Variants in MECOM observed in about 807,000 individuals in gnomAD.
MECOM encodes MDS1 and EVI1 complex locus, also known as histone-lysine N-methyltransferase MECOM.
Under a neutral mutation model 116.3 loss-of-function variants are expected in MECOM, and 13 were observed. The observed-to-expected ratio is 0.11, with a 90% CI of 0.07 to 0.18. The LOEUF (loss-of-function observed/expected upper bound fraction) is 0.18, where lower values mean the gene tolerates loss of function less well. Ranked by LOEUF, MECOM falls within the 10% of genes least tolerant of loss-of-function variation. MECOM has a pLI of 1.00. For synonymous variants in MECOM, 528 were observed against 535.2 expected (o/e 0.99, Z 0.19); for missense variants, 1,299 against 1,509.0 (o/e 0.86, Z 2.31).
At chr3:169,483,742 T>A in intron 1 of MECOM, 2 of 1,595,032 alleles carry the variant, frequency 1.3e-6, no homozygotes, top group African/African-American at 1.3e-5. Flanking sequence ...CTCTCTTTGC[T>A]GTTAGCAACT....
At chr3:169,121,871 G>A (rs1040393016) in intron 6 of MECOM, among the ~76,000 whole-genome samples, 1 of 150,928 alleles carries the variant, frequency 6.6e-6, no homozygotes, top group African/African-American at 2.4e-5. Context: ...GTAACCTGGT[G>A]GGGTACAGAA....
At chr3:169,575,313 T>G (rs16854108) in intron 1 of MECOM, among the ~76,000 whole-genome samples, 7,687 of 152,198 alleles carry the variant, frequency 0.051, 437 homozygotes, top group East Asian at 0.33. Context: ...CCTTTCTCAA[T>G]CTAAGCCATC....
chr3:169,574,866 G>A (rs1225596555), intron 1 of MECOM, among the ~76,000 whole-genome samples: 1 of 150,960 alleles, frequency 6.6e-6, no homozygotes, highest in Non-Finnish European at 1.5e-5. Flanking sequence ...AGGGGAGGGA[G>A]AAAACACAAA....
intron 2 of MECOM, among the ~76,000 whole-genome samples, chr3:169,232,269 T>C (rs1207965849): frequency 1.3e-5 from 2 of 151,818 alleles, no homozygotes; most frequent in Non-Finnish European, 2.9e-5. Flanking sequence ...GAGGCCATTC[T>C]ACAACAAAAG....
chr3:169,408,101 A>T (rs775302526), intron 1 of MECOM, among the ~76,000 whole-genome samples: 4 of 152,226 alleles, frequency 2.6e-5, no homozygotes, highest in Non-Finnish European at 5.9e-5. Context: ...TGTCTCCAAA[A>T]ACTGTACAAA....
At chr3:169,098,636 T>G (rs1055652056) in intron 12 of MECOM, among the ~76,000 whole-genome samples, 1 of 152,208 alleles carries the variant, frequency 6.6e-6, no homozygotes, top group African/African-American at 2.4e-5. Flanking sequence ...AGAAGATATT[T>G]TGGGGCTGTG....
rs140715330 is a variant in MECOM at position 169,187,977 on chromosome 3, A to G, written c.376-44145T>C. 6.3e-3 allele frequency among the ~76,000 whole-genome samples: 963 copies of G among 152,198 alleles called. 6 individuals carry two copies. Among genetic ancestry groups the G allele is most frequent in the Non-Finnish European group, 0.01 (711 of 67,980 alleles). On this transcript the variant is annotated intron_variant, in intron 2 of 16. Transcript: ENST00000651503. ...CTTCCCTCTGTCCTCTTTTCTAGTT[A>G]CCAACTTATTTTTTAAAGCTTTGCA... is the stretch of plus-strand genomic sequence containing the variant.
intron 1 of MECOM, among the ~76,000 whole-genome samples, chr3:169,580,928 C>A (rs1367964960): frequency 2.6e-5 from 4 of 152,212 alleles, no homozygotes; most frequent in African/African-American, 9.6e-5. Flanking sequence ...GTTCATCAAT[C>A]TTAAAGCCAC....
chr3:169,492,304 C>CA (rs1385862093), intron 1 of MECOM, among the ~76,000 whole-genome samples: 1 of 152,224 alleles, frequency 6.6e-6, no homozygotes, highest in Non-Finnish European at 1.5e-5. Flanking sequence ...AAACAGCAGT[C>CA]AAGTCCATTG....
chr3:169,629,384 C>T (rs559685426), intron 1 of MECOM, among the ~76,000 whole-genome samples: 1 of 151,426 alleles, frequency 6.6e-6, no homozygotes, highest in South Asian at 2.1e-4. Flanking sequence ...GTATATATAC[C>T]CTTGTTTACA....
At chr3:169,538,832 A>G (rs1264731610) in intron 1 of MECOM, among the ~76,000 whole-genome samples, 2 of 152,204 alleles carry the variant, frequency 1.3e-5, no homozygotes, top group East Asian at 3.9e-4. Flanking sequence ...GCCACCCACC[A>G]AAAGAGCCCT....
chr3:169,552,703 G>A (rs979012746), intron 1 of MECOM, among the ~76,000 whole-genome samples: 3 of 152,024 alleles, frequency 2.0e-5, no homozygotes, highest in African/African-American at 7.3e-5. Context: ...TAGTGTTGTA[G>A]AAAGAGTGCT....
chr3:169,129,138 G>T (rs1456897056), intron 4 of MECOM, among the ~76,000 whole-genome samples: 3 of 152,094 alleles, frequency 2.0e-5, no homozygotes, highest in East Asian at 3.9e-4. Context: ...TTCAGAAAAG[G>T]CTCTGTAATG....
chr3:169,545,473 C>T (rs575048045), intron 1 of MECOM, among the ~76,000 whole-genome samples: 1 of 152,154 alleles, frequency 6.6e-6, no homozygotes, highest in South Asian at 2.1e-4. Context: ...AAGGACTGAG[C>T]AATAAAAAAT....
At chr3:169,266,676 T>C (rs1253167838) in intron 2 of MECOM, among the ~76,000 whole-genome samples, 1 of 152,206 alleles carries the variant, frequency 6.6e-6, no homozygotes, top group Non-Finnish European at 1.5e-5. Context: ...ATTTGGTCTT[T>C]AATACTGGCA....
chr3:169,355,585 C>T (rs1028022506), intron 2 of MECOM, among the ~76,000 whole-genome samples: 1 of 151,970 alleles, frequency 6.6e-6, no homozygotes, highest in Admixed American at 6.6e-5. Flanking sequence ...AATGTCATCA[C>T]TGATGTCTTC....
Position 169,192,960 on chromosome 3 carries a change from A to G in MECOM, c.376-49128T>C, listed in dbSNP as rs111863257. Among the ~76,000 whole-genome samples the G allele has an allele frequency of 5.0e-3, 760 of 152,126 alleles. 3 individuals carry two copies. Among genetic ancestry groups the G allele is most frequent in the African/African-American group, 0.018 (733 of 41,522 alleles). On this transcript the variant is annotated intron_variant, in intron 2 of 16. Coordinates refer to ENST00000651503, the MANE Select transcript of MECOM (RefSeq NM_004991.4). ...TTAATTAATGGCTCAATAGCAACCT[A>G]GAAATTATCCTATTCCATTCAGACA...
intron 2 of MECOM, among the ~76,000 whole-genome samples, chr3:169,362,375 A>G (rs1728446096): frequency 6.6e-6 from 1 of 151,954 alleles, no homozygotes; most frequent in Non-Finnish European, 1.5e-5. Context: ...TTCAGAGGGT[A>G]AAGTCAAATG....
At chr3:169,584,493 A>G (rs1008476026) in intron 1 of MECOM, among the ~76,000 whole-genome samples, 4 of 150,162 alleles carry the variant, frequency 2.7e-5, no homozygotes, top group Non-Finnish European at 5.9e-5. Context: ...TGAACCCAAG[A>G]GGTGGAGCTT....
Sources: allele counts gnomAD v4.1 joint callset (sites outside exome capture counted in the v4.1 genomes callset), GRCh38; gene constraint gnomAD v4.1.1; transcripts MANE v1.5; gene names NCBI Gene and HGNC (gene_info 2026-07-23, HGNC 2026-07-21).